The following GIP variants were observed in gnomAD, a reference collection of about 807,000 sequenced individuals.
GIP encodes gastric inhibitory polypeptide.
In GIP, 16 loss-of-function variants were observed where a neutral mutation model predicts 18.1. The observed-to-expected ratio is 0.88, with a 90% CI of 0.60 to 1.34. The LOEUF (loss-of-function observed/expected upper bound fraction) is 1.34. Ranked by LOEUF, GIP falls within the 40% of genes most tolerant of loss-of-function variation. GIP has a pLI of 0.00. For synonymous variants in GIP, 76 were observed against 74.0 expected (o/e 1.03, Z -0.14); for missense variants, 192 against 183.4 (o/e 1.05, Z -0.27).
At chr17:48,959,836 G>T (rs192379170) in intron 5 of GIP, among the ~76,000 whole-genome samples, 1,896 of 41,008 alleles carry the variant, frequency 0.046, 124 homozygotes, top group African/African-American at 0.13. Context: ...CAGCTCGGTG[G>T]GTAGGGACAG....
rs1281101623 is a variant in GIP, at chr17:48,958,588, A to C, written c.*119T>G. The C allele has an allele frequency of 4.4e-5, 35 of 795,374 alleles. No individual in the cohort carries two copies. Among genetic ancestry groups the C allele is most frequent in the Non-Finnish European group, 7.2e-5 (34 of 471,192 alleles). The allele number at this position is 795,374 out of a possible 1,614,324, so 49.3% of individuals were successfully genotyped here. A position where few individuals can be genotyped will look rare whatever the true frequency, so the allele number is the denominator to read the frequency against. On this transcript the variant is annotated 3_prime_UTR_variant, in exon 6 of 6. Transcript: ENST00000357424. ...AGTAGTCATTTTAATAAATTTTCAC[A>C]ATGGGCTCGACTTAGCATAAACTTT...
intron 2 of GIP, among the ~76,000 whole-genome samples, chr17:48,966,446 C>T (rs575349188): frequency 2.6e-5 from 4 of 151,152 alleles, no homozygotes; most frequent in Non-Finnish European, 5.9e-5. Context: ...ATCCCAGCTA[C>T]TCGGTAAGCT....
chr17:48,959,789 C>T (rs1288075449), intron 5 of GIP, among the ~76,000 whole-genome samples: 5 of 132,302 alleles, frequency 3.8e-5, no homozygotes, highest in African/African-American at 1.4e-4. Flanking sequence ...ATGGGCTCAG[C>T]TCGGTGGGTA....
intron 2 of GIP, among the ~76,000 whole-genome samples, 165 bp from the exon 3 acceptor site, chr17:48,964,645 A>G (rs1333962055): frequency 6.6e-6 from 1 of 152,096 alleles, no homozygotes; most frequent in Non-Finnish European, 1.5e-5. Flanking sequence ...CTTTATCCTC[A>G]GCTCCAGGGC....
rs2041181423 is a variant in GIP at position 48,958,622 on chromosome 17, G to C, written c.*85C>G. ...GACTTAGCATAAACTTTATTGGTTTGGGTTCTCTTGGCTATTCTGGAGTGG... is the reference window on the plus strand; with the variant it reads ...GACTTAGCATAAACTTTATTGGTTTCGGTTCTCTTGGCTATTCTGGAGTGG... On this transcript the variant is annotated 3_prime_UTR_variant, in exon 6 of 6. Transcript: ENST00000357424. The C allele has an allele frequency of 3.7e-6, 4 of 1,071,198 alleles. No homozygotes were observed. The highest frequency in any genetic ancestry group is 5.6e-6 in the Non-Finnish European group (4 of 712,556). The allele number at this position is 1,071,198 out of a possible 1,614,324, so 66.4% of individuals were successfully genotyped here. A position where few individuals can be genotyped will look rare whatever the true frequency, so the allele number is the denominator to read the frequency against.
At chr17:48,968,014 T>G (rs2041244559) in intron 1 of GIP, among the ~76,000 whole-genome samples, 1 of 151,952 alleles carries the variant, frequency 6.6e-6, no homozygotes, top group African/African-American at 2.4e-5. Flanking sequence ...ATTGCGCCAG[T>G]GCACTCCAGC....
chr17:48,965,740 T>C (rs1411126102), intron 2 of GIP, among the ~76,000 whole-genome samples: 1 of 151,652 alleles, frequency 6.6e-6, no homozygotes, highest in Admixed American at 6.6e-5. Context: ...AATAGTCAAC[T>C]CATACGAAAG....
intron 3 of GIP, among the ~76,000 whole-genome samples, chr17:48,962,849 A>G (rs948050372): frequency 2.0e-5 from 3 of 151,776 alleles, no homozygotes; most frequent in Admixed American, 1.3e-4. Context: ...TCACACTTGT[A>G]ATCCCAGCAC....
At position 48,965,138 on chromosome 17, in the gene GIP, C is replaced by CAAAAAAAAAAAAAAAAAAAAAAA. The variant is rs33956589; in HGVS notation, c.87-659_87-658insTTTTTTTTTTTTTTTTTTTTTTT. 9.1e-3 allele frequency among the ~76,000 whole-genome samples: 998 copies of CAAAAAAAAAAAAAAAAAAAAAAA among 109,242 alleles called. 202 individuals are homozygous for CAAAAAAAAAAAAAAAAAAAAAAA. Among genetic ancestry groups the CAAAAAAAAAAAAAAAAAAAAAAA allele is most frequent in the African/African-American group, 0.014 (296 of 21,044 alleles). 71.7% of individuals were successfully genotyped at this position (109,242 alleles called of 152,430 possible). On this transcript the variant is annotated intron_variant, in intron 2 of 5. Coordinates refer to ENST00000357424, the MANE Select transcript of GIP (RefSeq NM_004123.3). ...TGGGAGACAGAGCGAGACTCCGTCT[C>CAAAAAAAAAAAAAAAAAAAAAAA]AAAAAAAAAAAAATTAGCCAGGCGT...
chr17:48,962,067 T>C (rs895625817), intron 3 of GIP, among the ~76,000 whole-genome samples: 1 of 151,938 alleles, frequency 6.6e-6, no homozygotes, highest in Non-Finnish European at 1.5e-5. Flanking sequence ...CTTCTCTTCA[T>C]TTTTTTTGGT....
At chr17:48,964,515 G>A (rs764575796) in intron 2 of GIP, 35 bp from the exon 3 acceptor site, 1 of 1,582,400 alleles carries the variant, frequency 6.3e-7, no homozygotes, top group Non-Finnish European at 8.7e-7. Flanking sequence ...GGCAGAGATG[G>A]GGGGAGAATC....
At chr17:48,962,060 C>A (rs2143847165) in intron 3 of GIP, among the ~76,000 whole-genome samples, 1 of 152,242 alleles carries the variant, frequency 6.6e-6, no homozygotes, top group South Asian at 2.1e-4. Context: ...AGTTAATCTT[C>A]TCTTCATTTT....
At chr17:48,965,263 T>C (rs2041229437) in intron 2 of GIP, among the ~76,000 whole-genome samples, 1 of 146,808 alleles carries the variant, frequency 6.8e-6, no homozygotes, top group Non-Finnish European at 1.5e-5. Context: ...ATCGTGCCAT[T>C]GCACTCCAGC....
chr17:48,964,922 A>G (rs868344807), intron 2 of GIP, among the ~76,000 whole-genome samples: 1 of 151,130 alleles, frequency 6.6e-6, no homozygotes, highest in East Asian at 2.0e-4. Flanking sequence ...GGCGGATTAC[A>G]AGGTCAGGAG....
intron 4 of GIP, among the ~76,000 whole-genome samples, chr17:48,961,351 C>A (rs1158536688): frequency 6.6e-6 from 1 of 152,154 alleles, no homozygotes; most frequent in African/African-American, 2.4e-5. Flanking sequence ...GGGAGTGGGC[C>A]TGGGAAGATC....
At chr17:48,962,589 A>G (rs2143847858) in intron 3 of GIP, among the ~76,000 whole-genome samples, 1 of 151,408 alleles carries the variant, frequency 6.6e-6, no homozygotes, top group African/African-American at 2.4e-5. Context: ...GGAGGGCCTC[A>G]AGCTCCTGAC....
chr17:48,965,138 C>CAAAAAAAA lies in GIP; in HGVS notation c.87-666_87-659dup, dbSNP rs33956589. On this transcript the variant is annotated intron_variant, in intron 2 of 5. Transcript: ENST00000357424. The stretch of plus-strand genomic sequence containing the variant: ...TGGGAGACAGAGCGAGACTCCGTCT[C>CAAAAAAAA]AAAAAAAAAAAAATTAGCCAGGCGT... Among the ~76,000 whole-genome samples, 26 of 109,606 alleles carry CAAAAAAAA rather than the reference C, an allele frequency of 2.4e-4. 8 individuals carry two copies. The highest frequency in any genetic ancestry group is 9.5e-4 in the African/African-American group (20 of 21,128). 71.9% of individuals were successfully genotyped at this position (109,606 alleles called of 152,430 possible). A position where few individuals can be genotyped will look rare whatever the true frequency, so the allele number is the denominator to read the frequency against.
intron 5 of GIP, among the ~76,000 whole-genome samples, chr17:48,958,941 A>G (rs2143843563): frequency 7.1e-6 from 1 of 141,238 alleles, no homozygotes; most frequent in East Asian, 2.1e-4. Context: ...CGCAAGCTCC[A>G]CCTCCTGGGT....
intron 3 of GIP, 53 bp downstream of exon 3, chr17:48,964,257 T>G (rs562414711): frequency 6.9e-7 from 1 of 1,449,670 alleles, no homozygotes; most frequent in Admixed American, 1.7e-5. Flanking sequence ...CCTCTGAAGG[T>G]AGGAAGGCAG....
Sources: allele counts gnomAD v4.1 joint callset (sites outside exome capture counted in the v4.1 genomes callset), GRCh38; gene constraint gnomAD v4.1.1; transcripts MANE v1.5; gene names NCBI Gene and HGNC (gene_info 2026-07-23, HGNC 2026-07-21).